PCDH9: variants seen among roughly 807,000 people sequenced by gnomAD.
PCDH9 encodes protocadherin-9.
A neutral mutation model predicts 70.6 loss-of-function variants in PCDH9; 24 were observed. The ratio of observed to expected loss-of-function variants is 0.34; its 90% CI spans 0.25 to 0.48. The LOEUF is 0.48. Ranked by LOEUF, PCDH9 falls within the 20% of genes least tolerant of loss-of-function variation. The probability of loss-of-function intolerance (pLI) is 0.99; values close to 1 mark genes in which losing one functional copy is unlikely to be tolerated. For missense variants in PCDH9, 1,281 were observed against 1,503.6 expected, an observed-to-expected ratio of 0.85 and a Z score of 2.45; for synonymous variants, 562 against 558.5, an observed-to-expected ratio of 1.01 and a Z score of -0.09.
intron 3 of PCDH9, among the ~76,000 whole-genome samples, chr13:66,858,092 CAATTAAAT>C (rs1200783097): frequency 2.0e-5 from 3 of 152,102 alleles, no homozygotes; most frequent in African/African-American, 7.2e-5. Context: ...ATAAATAACA[CAATTAAAT>C]TACTAAAGTC....
rs1032931337 is a variant in PCDH9, at chr13:67,225,645, A to G, written c.2796T>C (p.Ser932=). The G allele has an allele frequency of 1.2e-6, 2 of 1,614,118 alleles. No homozygotes were observed. Among genetic ancestry groups the G allele is most frequent in the Admixed American group, 3.3e-5 (2 of 60,004 alleles). ...ATTTGTAGTGCTTGGCCAGGTCAGG[A>G]CTGTTAGGCTTGAATGTTGTTGGAG... ...PAPPTTFKPN[S]PDLAKHYKSA... is the part of the protein sequence containing the mutation. Residue 932 remains serine, a synonymous_variant, in exon 2 of 5, where the codon AGT becomes AGC. Transcript: ENST00000377865.
chr13:66,976,722 T>C (rs1160942124), intron 2 of PCDH9, among the ~76,000 whole-genome samples: 1 of 152,102 alleles, frequency 6.6e-6, no homozygotes, highest in Non-Finnish European at 1.5e-5. Context: ...AGATACAAAC[T>C]GTAATTTGTC....
intron 3 of PCDH9, among the ~76,000 whole-genome samples, chr13:66,663,516 C>T (rs2078048339): frequency 6.6e-6 from 1 of 152,102 alleles, no homozygotes; most frequent in Admixed American, 6.6e-5. Context: ...AATACATTTT[C>T]TAACATAGAA....
intron 2 of PCDH9, among the ~76,000 whole-genome samples, chr13:67,175,459 G>A (rs541880646): frequency 4.6e-4 from 70 of 152,156 alleles, no homozygotes; most frequent in South Asian, 1.7e-3. Context: ...AACAAACAGG[G>A]GCTATACAAT....
intron 4 of PCDH9, among the ~76,000 whole-genome samples, chr13:66,503,350 C>T (rs771709875): frequency 9.2e-5 from 14 of 151,776 alleles, no homozygotes; most frequent in Non-Finnish European, 1.9e-4. Context: ...TATTTCCAAA[C>T]TCCCCTGGGA....
chr13:67,192,530 G>A (rs2088946048), intron 2 of PCDH9, among the ~76,000 whole-genome samples: 1 of 152,114 alleles, frequency 6.6e-6, no homozygotes, highest in Non-Finnish European at 1.5e-5. Context: ...TTTTAAGATA[G>A]TTGGATTTCA....
chr13:67,208,724 A>G (rs2089408073), intron 2 of PCDH9: 1 of 152,202 alleles, frequency 6.6e-6, no homozygotes, highest in Non-Finnish European at 1.5e-5. Flanking sequence ...ATGACAGAAA[A>G]GCAGCAGGAG....
chr13:66,939,717 C>T (rs1446909357), intron 2 of PCDH9, among the ~76,000 whole-genome samples: 1 of 151,970 alleles, frequency 6.6e-6, no homozygotes, highest in African/African-American at 2.4e-5. Context: ...CATGCCTGGC[C>T]TTAAAGTGTA....
intron 2 of PCDH9, among the ~76,000 whole-genome samples, chr13:67,109,970 A>G (rs1276217126): frequency 1.3e-5 from 2 of 152,128 alleles, no homozygotes; most frequent in Non-Finnish European, 2.9e-5. Flanking sequence ...TATAACACTT[A>G]TTTTGTGTAC....
chr13:67,006,299 C>G (rs1318028871), intron 2 of PCDH9, among the ~76,000 whole-genome samples: 2 of 152,244 alleles, frequency 1.3e-5, no homozygotes, highest in South Asian at 2.1e-4. Flanking sequence ...AGTCCAAGAC[C>G]TAAAAGAATT....
intron 3 of PCDH9, among the ~76,000 whole-genome samples, chr13:66,804,472 T>C (rs2080380825): frequency 2.0e-5 from 3 of 151,904 alleles, no homozygotes; most frequent in Admixed American, 2.0e-4. Flanking sequence ...TTGGTTGAGA[T>C]AGAGAGGAAG....
At chr13:66,660,868 G>GGTGA (rs1209808176) in intron 3 of PCDH9, among the ~76,000 whole-genome samples, 1 of 150,412 alleles carries the variant, frequency 6.6e-6, no homozygotes, top group Non-Finnish European at 1.5e-5. Flanking sequence ...ATTTTGATTT[G>GGTGA]CTTCTGGAAA....
Position 67,225,913 on chromosome 13 carries a change from C to A in PCDH9, c.2528G>T (p.Arg843Met). The change falls in exon 2 of 5, where the codon AGG becomes ATG. Residue 843 changes from arginine to methionine, a missense_variant. Coordinates refer to ENST00000377865, the MANE Select transcript of PCDH9 (RefSeq NM_203487.3). ...TVLVRCRHAS[R>M]FKAAQRSKQG... ...CTTGCTCCTCTGAGCTGCTTTGAAC[C>A]TTGATGCATGGCGACAGCGCACCAG... is the stretch of plus-strand genomic sequence containing the variant. 1 of 1,614,092 alleles carries A rather than the reference C, an allele frequency of 6.2e-7. No homozygotes were observed. The highest frequency in any genetic ancestry group is 1.1e-5 in the South Asian group (1 of 91,084).
At chr13:66,750,868 T>C (rs939135819) in intron 3 of PCDH9, among the ~76,000 whole-genome samples, 3 of 152,164 alleles carry the variant, frequency 2.0e-5, no homozygotes, top group Non-Finnish European at 4.4e-5. Context: ...AACTAATATT[T>C]AAACCTTTGA....
intron 2 of PCDH9, among the ~76,000 whole-genome samples, chr13:66,913,136 G>T (rs910454587): frequency 6.6e-6 from 1 of 151,986 alleles, no homozygotes; most frequent in African/African-American, 2.4e-5. Flanking sequence ...TCTTTTCAAG[G>T]CAAATTCTTT....
intron 3 of PCDH9, among the ~76,000 whole-genome samples, chr13:66,841,179 G>C (rs2081111044): frequency 6.6e-6 from 1 of 152,222 alleles, no homozygotes; most frequent in East Asian, 1.9e-4. Flanking sequence ...TTAAAAGGTA[G>C]CAAAATTTAA....
chr13:66,618,388 T>C (rs779286322), intron 4 of PCDH9, among the ~76,000 whole-genome samples: 3 of 152,206 alleles, frequency 2.0e-5, no homozygotes, highest in Non-Finnish European at 4.4e-5. Flanking sequence ...CAGAAATACA[T>C]GTTAAAATAG....
rs528944762 is a variant in PCDH9 at position 66,306,625 on chromosome 13, AT to A, written c.3341-1598del. ...TTTCATATAAACTCAAAGTTTAGCG[AT>A]TTTTTTTATATCTAAAAGTCTTCCT... On this transcript the variant is annotated intron_variant, in intron 4 of 4. Coordinates refer to ENST00000377865, the MANE Select transcript of PCDH9 (RefSeq NM_203487.3). Among the ~76,000 whole-genome samples the A allele has an allele frequency of 9.1e-3, 1,373 of 151,552 alleles. 24 individuals are homozygous for A. Among genetic ancestry groups the A allele is most frequent in the African/African-American group, 0.031 (1,297 of 41,294 alleles).
At chr13:66,560,987 G>C (rs1020743684) in intron 4 of PCDH9, among the ~76,000 whole-genome samples, 10 of 152,352 alleles carry the variant, frequency 6.6e-5, no homozygotes, top group African/African-American at 2.4e-4. Flanking sequence ...CCTTCAGCCT[G>C]CCGCTGCACT....
Sources: gnomAD v4.1 joint callset for allele counts (sites outside exome capture counted in the v4.1 genomes callset) on GRCh38, gnomAD v4.1.1 for gene constraint, MANE v1.5 for transcripts, NCBI Gene and HGNC (gene_info 2026-07-23, HGNC 2026-07-21) for gene names.